DPY19L4: variants seen among roughly 807,000 people sequenced by gnomAD.
DPY19L4 encodes probable C-mannosyltransferase DPY19L4.
In DPY19L4, 97 loss-of-function variants were observed where a neutral mutation model predicts 102.8. The observed-to-expected ratio is 0.94, with a 90% CI of 0.80 to 1.12. The LOEUF (loss-of-function observed/expected upper bound fraction) is 1.12. Ranked by LOEUF, DPY19L4 falls within the 50% of genes most tolerant of loss-of-function variation. The pLI is 0.00. For synonymous variants in DPY19L4, 252 were observed against 283.1 expected (o/e 0.89, Z 1.10); for missense variants, 815 against 850.4 (o/e 0.96, Z 0.52).
rs1314804823 is a variant in DPY19L4, at chr8:94,791,287, GC to G, written c.*1378del. 6.6e-6 allele frequency: 1 copy of G among 152,116 alleles called. No homozygotes were observed. Among genetic ancestry groups the G allele is most frequent in the Non-Finnish European group, 1.5e-5 (1 of 67,976 alleles). The allele number at this position is 152,116 out of a possible 1,614,324, so 9.4% of individuals were successfully genotyped here. On this transcript the variant is annotated 3_prime_UTR_variant, in exon 19 of 19. Coordinates refer to ENST00000414645, the MANE Select transcript of DPY19L4 (RefSeq NM_181787.3). ...TAAAAGTACACTACATTAGAAGGGAGCTTTTCCGTTGTCTTTATTTTCTGTT... is the reference window on the plus strand; with the variant it reads ...TAAAAGTACACTACATTAGAAGGGAGTTTTCCGTTGTCTTTATTTTCTGTT...
In DPY19L4 at chr8:94,737,254, C is replaced by T. The variant is rs370872515; in HGVS notation, c.253-1115C>T. 6.2e-4 allele frequency among the ~76,000 whole-genome samples: 95 copies of T among 152,044 alleles called. 2 individuals carry two copies. Among genetic ancestry groups the T allele is most frequent in the African/African-American group, 2.2e-3 (93 of 41,500 alleles). ...AGGCTGCAGTGCAGTGGTGTGATCTCGCCTCACTGCAACCTGTGCCGCCTG... is the reference window on the plus strand; with the variant it reads ...AGGCTGCAGTGCAGTGGTGTGATCTTGCCTCACTGCAACCTGTGCCGCCTG... On this transcript the variant is annotated intron_variant, in intron 3 of 18. Transcript: ENST00000414645.
intron 3 of DPY19L4, among the ~76,000 whole-genome samples, 185 bp from the exon 4 acceptor site, chr8:94,738,184 G>A (rs994256335): frequency 1.3e-5 from 2 of 151,740 alleles, no homozygotes; most frequent in Non-Finnish European, 2.9e-5. Flanking sequence ...CGGGCGTGGT[G>A]GCAGGCGCCT....
chr8:94,770,392 A>G lies in DPY19L4; in HGVS notation c.1335-60A>G, dbSNP rs114094289. The G allele has an allele frequency of 3.0e-4, 455 of 1,502,628 alleles. 3 individuals are homozygous for G. The African/African-American group carries it at 5.6e-3, about 18-fold the overall frequency. The allele number at this position is 1,502,628 out of a possible 1,614,324, so 93.1% of individuals were successfully genotyped here. ...GTCCTTCAAAGATGATAAACAATGT[A>G]TCTTTGGTTTTTTACAAATACATTT... On this transcript the variant is annotated intron_variant, in intron 12 of 18. Coordinates refer to ENST00000414645, the MANE Select transcript of DPY19L4 (RefSeq NM_181787.3).
At chr8:94,722,276 G>T (rs990598526) in intron 1 of DPY19L4, among the ~76,000 whole-genome samples, 3 of 151,010 alleles carry the variant, frequency 2.0e-5, no homozygotes, top group African/African-American at 4.9e-5. Context: ...GCATGGTGGC[G>T]CATGCCTATA....
chr8:94,739,088 A>G (rs1045953111), intron 4 of DPY19L4, among the ~76,000 whole-genome samples: 2 of 152,142 alleles, frequency 1.3e-5, no homozygotes, highest in African/African-American at 2.4e-5. Flanking sequence ...CTATAGTACT[A>G]CAGAATACTA....
At chr8:94,757,001 G>A (rs1198392809) in intron 7 of DPY19L4, among the ~76,000 whole-genome samples, 1 of 152,128 alleles carries the variant, frequency 6.6e-6, no homozygotes, top group African/African-American at 2.4e-5. Flanking sequence ...TTCTAGCCTG[G>A]GCGACAGAGA....
intron 17 of DPY19L4, among the ~76,000 whole-genome samples, chr8:94,787,679 T>G (rs1470083132): frequency 6.6e-6 from 1 of 152,052 alleles, no homozygotes; most frequent in Non-Finnish European, 1.5e-5. Flanking sequence ...TCAGAAAAAT[T>G]ATAGTAAAAA....
At chr8:94,748,163 G>T (rs1253161320) in intron 6 of DPY19L4, among the ~76,000 whole-genome samples, 1 of 152,178 alleles carries the variant, frequency 6.6e-6, no homozygotes, top group African/African-American at 2.4e-5. Flanking sequence ...GCTTGTCCAG[G>T]ATGTCACTTG....
intron 2 of DPY19L4, among the ~76,000 whole-genome samples, chr8:94,727,009 C>G (rs112219580): frequency 6.6e-6 from 1 of 152,132 alleles, no homozygotes. Flanking sequence ...TTCCCACACC[C>G]GAAAACTCTC....
chr8:94,748,301 G>A (rs1373746443), intron 6 of DPY19L4, among the ~76,000 whole-genome samples: 1 of 152,144 alleles, frequency 6.6e-6, no homozygotes, highest in Non-Finnish European at 1.5e-5. Flanking sequence ...AGATTTGACT[G>A]CACTAATATG....
chr8:94,785,552 G>C (rs1813617943), intron 17 of DPY19L4, among the ~76,000 whole-genome samples: 1 of 152,224 alleles, frequency 6.6e-6, no homozygotes, highest in Non-Finnish European at 1.5e-5. Flanking sequence ...GACAGACCTG[G>C]AATGTCATGC....
rs1336228029 is a variant in DPY19L4, at chr8:94,719,920, C to G, written c.-79C>G. 7.0e-7 allele frequency: 1 copy of G among 1,427,248 alleles called. No homozygotes were observed. The highest frequency in any genetic ancestry group is 9.2e-7 in the Non-Finnish European group (1 of 1,083,094). The allele number at this position is 1,427,248 out of a possible 1,614,324, so 88.4% of individuals were successfully genotyped here. A position where few individuals can be genotyped will look rare whatever the true frequency, so the allele number is the denominator to read the frequency against. ...CGGCCAGGAGCGGGCCCCCGGAGGC[C>G]GAGGGGTTCGGCGACGCGGAGGGAG... On this transcript the variant is annotated 5_prime_UTR_variant, in exon 1 of 19. Coordinates refer to ENST00000414645, the MANE Select transcript of DPY19L4 (RefSeq NM_181787.3).
chr8:94,790,100 T>C lies in DPY19L4; in HGVS notation c.*190T>C. 1.9e-6 allele frequency: 1 copy of C among 513,464 alleles called. No homozygotes were observed. Among genetic ancestry groups the C allele is most frequent in the Non-Finnish European group, 3.3e-6 (1 of 299,074 alleles). 31.8% of individuals were successfully genotyped at this position (513,464 alleles called of 1,614,324 possible). A position where few individuals can be genotyped will look rare whatever the true frequency, so the allele number is the denominator to read the frequency against. On this transcript the variant is annotated 3_prime_UTR_variant, in exon 19 of 19. Transcript: ENST00000414645. ...CAAGCATTACTGTCCTTTGATTAAA[T>C]GTGATATCTACCACTCTGCAATATT...
chr8:94,770,720 T>G, intron 13 of DPY19L4, 149 bp downstream of exon 13: 2 of 995,776 alleles, frequency 2.0e-6, no homozygotes, highest in Non-Finnish European at 2.9e-6. Context: ...CTGTCAACAC[T>G]CAACATGGTG....
intron 3 of DPY19L4, among the ~76,000 whole-genome samples, chr8:94,736,944 CTA>C (rs1243033154): frequency 6.6e-6 from 1 of 152,092 alleles, no homozygotes; most frequent in African/African-American, 2.4e-5. Flanking sequence ...GGTTTTCCTT[CTA>C]GATTTTCCGG....
At chr8:94,734,136 T>G (rs1332684974) in intron 2 of DPY19L4, among the ~76,000 whole-genome samples, 1 of 150,840 alleles carries the variant, frequency 6.6e-6, no homozygotes, top group African/African-American at 2.4e-5. Context: ...CTCGGCTTAC[T>G]GCAACCTCCA....
intron 13 of DPY19L4, among the ~76,000 whole-genome samples, chr8:94,775,972 T>C (rs1249634064): frequency 1.3e-5 from 2 of 151,986 alleles, no homozygotes; most frequent in Middle Eastern, 3.4e-3. Flanking sequence ...AAGTTAATTT[T>C]TTCTGTACAC....
chr8:94,778,103 C>T (rs4548144), intron 14 of DPY19L4, among the ~76,000 whole-genome samples: 26,164 of 151,704 alleles, frequency 0.17, 2,706 homozygotes, highest in African/African-American at 0.28. Flanking sequence ...GGCATGGTGG[C>T]GCATGCCTGT....
At chr8:94,781,283 A>T in intron 16 of DPY19L4, 117 bp downstream of exon 16, 4 of 899,438 alleles carry the variant, frequency 4.4e-6, no homozygotes, top group Non-Finnish European at 6.2e-6. Context: ...CATAAAACTC[A>T]GGCGTTTTAG....
Sources: gnomAD v4.1 joint callset for allele counts (sites outside exome capture counted in the v4.1 genomes callset) on GRCh38, gnomAD v4.1.1 for gene constraint, MANE v1.5 for transcripts, NCBI Gene and HGNC (gene_info 2026-07-23, HGNC 2026-07-21) for gene names.